The following PCDH15 variants were observed in gnomAD, a reference collection of about 807,000 sequenced individuals.
PCDH15 encodes the protein protocadherin related 15, also known as protocadherin-15.
PCDH15 carries 129 observed loss-of-function variants against 178.5 expected under a neutral mutation model. The observed-to-expected ratio is 0.72, with a 90% confidence interval of 0.63 to 0.84. The LOEUF is 0.84. PCDH15 is among the 40% of genes least tolerant of loss of function. The pLI is 0.00. For synonymous variants in PCDH15, 800 were observed against 732.0 expected, an observed-to-expected ratio of 1.09 and a Z score of -1.50; for missense variants, 2,230 against 2,099.9, an observed-to-expected ratio of 1.06 and a Z score of -1.21.
At chr10:55,254,292 T>C (rs1460802095) in intron 1 of PCDH15, among the ~76,000 whole-genome samples, 1 of 152,168 alleles carries the variant, frequency 6.6e-6, no homozygotes, top group Non-Finnish European at 1.5e-5. Flanking sequence ...ACTCCTTCAG[T>C]TGATTTTCTA....
chr10:55,341,805 A>ATATATTT (rs1565032576), intron 2 of PCDH15, among the ~76,000 whole-genome samples: 1 of 16,332 alleles, frequency 6.1e-5, no homozygotes, highest in Non-Finnish European at 1.1e-4. Context: ...ATATATATAT[A>ATATATTT]TTTTTTTTTT....
rs1041370781 is a variant in PCDH15, at chr10:54,195,614, T to C, written c.1305+69A>G. On this transcript the variant is annotated intron_variant, in intron 11 of 37. Coordinates refer to ENST00000644397, the MANE Select transcript of PCDH15 (RefSeq NM_001384140.1). ...TCTAGCTTATGTAGCCATATCTTTG[T>C]CATATTTCCCATTAATGGAAATATG... is the stretch of plus-strand genomic sequence containing the variant. 3.8e-6 allele frequency: 5 copies of C among 1,326,952 alleles called. No individual in the cohort carries two copies. In the Admixed American group the frequency reaches 8.4e-5, roughly 22 times the overall value. The allele number at this position is 1,326,952 out of a possible 1,614,324, so 82.2% of individuals were successfully genotyped here. A position where few individuals can be genotyped will look rare whatever the true frequency, so the allele number is the denominator to read the frequency against.
rs765890640 is a variant in PCDH15 at position 53,903,417 on chromosome 10, G to A, written c.3374-47C>T. Reference sequence around the variant, plus strand: ...ATTTTTTATTGGTGGTTATTCATGGGGGAAAAAATGCACTGAAGTAAATAT... The same window carrying A: ...ATTTTTTATTGGTGGTTATTCATGGAGGAAAAAATGCACTGAAGTAAATAT... On this transcript the variant is annotated intron_variant, in intron 25 of 37. Coordinates refer to ENST00000644397, the MANE Select transcript of PCDH15 (RefSeq NM_001384140.1). 13 of 1,603,868 alleles carry A rather than the reference G, an allele frequency of 8.1e-6. No individual in the cohort carries two copies. The South Asian group carries it at 9.9e-5, about 12-fold the overall frequency.
chr10:54,486,081 A>T (rs2079076195), intron 3 of PCDH15: 1 of 152,052 alleles, frequency 6.6e-6, no homozygotes. Flanking sequence ...AGGTGTTAGT[A>T]ATTTGAATCT....
chr10:55,329,211 G>A (rs902666076), intron 2 of PCDH15, among the ~76,000 whole-genome samples: 1 of 59,016 alleles, frequency 1.7e-5, no homozygotes, highest in Non-Finnish European at 3.4e-5. Flanking sequence ...TGGGATCTGG[G>A]AATTCAAATT....
rs1274406931 is a variant in PCDH15, at chr10:54,171,478, C to CA, written c.1590+11965dup. 4.6e-5 allele frequency among the ~76,000 whole-genome samples: 7 copies of CA among 152,164 alleles called. No individual in the cohort carries two copies. In the East Asian group the frequency reaches 1.4e-3, roughly 30 times the overall value. ...CAGAGCAACTTAAGACTGTGCCCCC[C>CA]AAAAAACTTGTCATCCCTACTATCT... On this transcript the variant is annotated intron_variant, in intron 13 of 37. Transcript: ENST00000644397.
chr10:54,247,380 G>A (rs188134699), intron 8 of PCDH15, among the ~76,000 whole-genome samples: 7 of 151,824 alleles, frequency 4.6e-5, no homozygotes, highest in African/African-American at 7.3e-5. Flanking sequence ...TATGGCACAC[G>A]GAGACTCAAA....
chr10:54,612,752 C>T (rs1359277170), intron 2 of PCDH15, among the ~76,000 whole-genome samples: 1 of 151,592 alleles, frequency 6.6e-6, no homozygotes, highest in Non-Finnish European at 1.5e-5. Flanking sequence ...AACAATTATA[C>T]TAAAATGGGA....
chr10:54,251,084 G>A lies in PCDH15; in HGVS notation c.877-14153C>T, dbSNP rs115727162. On this transcript the variant is annotated intron_variant, in intron 8 of 37. Coordinates refer to ENST00000644397, the MANE Select transcript of PCDH15 (RefSeq NM_001384140.1). ...AGATAATATGAATCCTTGTATATAT[G>A]AGAATGATGTTTCATTCTTAAATAA... Among the ~76,000 whole-genome samples the A allele has an allele frequency of 4.4e-3, 673 of 152,226 alleles. 4 individuals are homozygous for A. The highest frequency in any genetic ancestry group is 0.013 in the African/African-American group (540 of 41,542).
chr10:55,437,585 G>T (rs1436666847), intron 2 of PCDH15, among the ~76,000 whole-genome samples: 1 of 152,050 alleles, frequency 6.6e-6, no homozygotes, highest in Non-Finnish European at 1.5e-5. Context: ...CAGACAGAAA[G>T]CACTATTCAT....
At chr10:54,244,494 G>A (rs1182027167) in intron 8 of PCDH15, among the ~76,000 whole-genome samples, 10 of 152,172 alleles carry the variant, frequency 6.6e-5, no homozygotes, top group Admixed American at 4.6e-4. Context: ...CAAAAGGTTG[G>A]TGACTTGTTC....
At chr10:54,409,316 A>G (rs574137443) in intron 3 of PCDH15, among the ~76,000 whole-genome samples, 8 of 152,298 alleles carry the variant, frequency 5.3e-5, no homozygotes, top group African/African-American at 9.6e-5. Flanking sequence ...CTGGCAGGTC[A>G]AAACAGAATC....
intron 3 of PCDH15, among the ~76,000 whole-genome samples, chr10:54,813,047 C>T (rs1318805086): frequency 1.0e-3 from 158 of 152,238 alleles, no homozygotes; most frequent in Non-Finnish European, 4.4e-4. Flanking sequence ...CTTTTTAAAA[C>T]TTTTCAGAAC....
At chr10:55,071,259 A>G (rs925780694) in intron 2 of PCDH15, among the ~76,000 whole-genome samples, 1 of 149,266 alleles carries the variant, frequency 6.7e-6, no homozygotes, top group African/African-American at 2.5e-5. Flanking sequence ...TATTAACTTT[A>G]AATGTAACTG....
intron 2 of PCDH15, among the ~76,000 whole-genome samples, chr10:55,418,109 T>C (rs1010840403): frequency 5.9e-5 from 9 of 151,612 alleles, no homozygotes; most frequent in African/African-American, 1.9e-4. Context: ...CAAAAGGAAA[T>C]GTAATCATAG....
At chr10:54,718,167 C>T (rs536277479) in intron 1 of PCDH15, among the ~76,000 whole-genome samples, 14 of 149,578 alleles carry the variant, frequency 9.4e-5, no homozygotes, top group South Asian at 4.2e-4. Context: ...TGCTAGGTGA[C>T]GAGTTAGTGG....
At chr10:54,119,833 T>C (rs957805604) in intron 15 of PCDH15, among the ~76,000 whole-genome samples, 7 of 152,108 alleles carry the variant, frequency 4.6e-5, no homozygotes, top group African/African-American at 1.7e-4. Flanking sequence ...GCAGGTTTGT[T>C]ACATAGGTAT....
chr10:54,120,234 A>G (rs982731394), intron 15 of PCDH15, among the ~76,000 whole-genome samples: 4 of 152,200 alleles, frequency 2.6e-5, no homozygotes, highest in African/African-American at 9.6e-5. Context: ...ATTTGTTACC[A>G]CTAGAAAGCC....
At position 54,853,183 on chromosome 10, in the gene PCDH15, C is replaced by G. The variant is rs189414500; in HGVS notation, c.-29+44267G>C. Among the ~76,000 whole-genome samples the G allele has an allele frequency of 2.3e-3, 347 of 150,518 alleles. 2 individuals are homozygous for G. The highest frequency in any genetic ancestry group is 8.3e-3 in the African/African-American group (340 of 41,190). On this transcript the variant is annotated intron_variant, in intron 3 of 5. Coordinates refer to the PCDH15 transcript ENST00000458638. The stretch of plus-strand genomic sequence containing the variant: ...GCTGAGGCAGGAGAATCACTTAAAC[C>G]TGGTTGGCGGAGGTTGTAGTGAGCC...
Sources: allele counts gnomAD v4.1 joint callset (sites outside exome capture counted in the v4.1 genomes callset), GRCh38; gene constraint gnomAD v4.1.1; transcripts MANE v1.5; gene names NCBI Gene and HGNC (gene_info 2026-07-23, HGNC 2026-07-21).